The following FAM3C variants were observed in gnomAD, a reference collection of about 807,000 sequenced individuals.
FAM3C encodes protein FAM3C.
Under a neutral mutation model 32.5 loss-of-function variants are expected in FAM3C, and 15 were observed. The ratio of observed to expected loss-of-function variants is 0.46; its 90% CI spans 0.31 to 0.71. FAM3C has a LOEUF of 0.71. Among genes scored for constraint, FAM3C ranks in the 30% least tolerant of loss-of-function variants. FAM3C has a pLI of 0.05. For missense variants in FAM3C, 175 were observed against 274.4 expected (o/e 0.64, Z 2.56); for synonymous variants, 75 against 86.1 (o/e 0.87, Z 0.72).
intron 1 of FAM3C, among the ~76,000 whole-genome samples, chr7:121,384,101 G>A (rs949828713): frequency 6.6e-6 from 1 of 152,022 alleles, no homozygotes; most frequent in Non-Finnish European, 1.5e-5. Context: ...TCTGGGGGGC[G>A]GGGGAGTCTG....
intron 5 of FAM3C, among the ~76,000 whole-genome samples, chr7:121,368,972 G>GTTTT (rs563834740): frequency 2.8e-4 from 27 of 96,160 alleles, no homozygotes; most frequent in Non-Finnish European, 4.3e-4. Flanking sequence ...TGTTGTTGTT[G>GTTTT]TTTTTTTTTT....
chr7:121,360,177 T>A, intron 7 of FAM3C, 50 bp from the exon 8 acceptor site: 2 of 902,890 alleles, frequency 2.2e-6, no homozygotes, highest in Non-Finnish European at 3.7e-6. Context: ...TGAATAAGCA[T>A]CACGATAATC....
intron 5 of FAM3C, among the ~76,000 whole-genome samples, chr7:121,365,357 A>C (rs185274976): frequency 1.9e-3 from 284 of 152,266 alleles, no homozygotes; most frequent in Middle Eastern, 6.8e-3. Flanking sequence ...TCAGATAATA[A>C]GTTTTAAATA....
chr7:121,373,815 G>A (rs947347552), intron 3 of FAM3C, among the ~76,000 whole-genome samples: 7 of 151,694 alleles, frequency 4.6e-5, no homozygotes, highest in African/African-American at 1.5e-4. Context: ...GAGGTCAGGA[G>A]ATCGAGACCA....
chr7:121,386,491 C>A (rs1794466427), intron 1 of FAM3C, among the ~76,000 whole-genome samples: 3 of 151,886 alleles, frequency 2.0e-5, no homozygotes, highest in African/African-American at 4.8e-5. Context: ...TCAGAGCTTG[C>A]CAACTTGTCA....
chr7:121,384,566 A>G (rs770387959), intron 1 of FAM3C, among the ~76,000 whole-genome samples: 1 of 152,112 alleles, frequency 6.6e-6, no homozygotes, highest in Non-Finnish European at 1.5e-5. Context: ...TTGATGTTCT[A>G]TTTCACTGTT....
At chr7:121,359,498 A>T (rs1159167464) in intron 8 of FAM3C, among the ~76,000 whole-genome samples, 1 of 152,102 alleles carries the variant, frequency 6.6e-6, no homozygotes, top group Non-Finnish European at 1.5e-5. Context: ...AAACTAAAAT[A>T]TCATCAATGT....
intron 1 of FAM3C, 146 bp from the exon 2 acceptor site, chr7:121,383,156 A>G: frequency 1.9e-6 from 1 of 518,210 alleles, no homozygotes; most frequent in Non-Finnish European, 3.4e-6. Context: ...AAAAAAAAAA[A>G]TGGGCCTGTC....
At chr7:121,352,541 T>C (rs1793725819) in intron 8 of FAM3C, among the ~76,000 whole-genome samples, 1 of 152,206 alleles carries the variant, frequency 6.6e-6, no homozygotes, top group Non-Finnish European at 1.5e-5. Context: ...GTGGTACATT[T>C]ATAGCCAAGT....
At chr7:121,379,673 A>C (rs1284654622) in intron 2 of FAM3C, among the ~76,000 whole-genome samples, 1 of 151,940 alleles carries the variant, frequency 6.6e-6, no homozygotes, top group Non-Finnish European at 1.5e-5. Context: ...AAGTGCGCAG[A>C]CTCTTCAATG....
At chr7:121,392,735 G>C (rs934668342) in intron 1 of FAM3C, among the ~76,000 whole-genome samples, 2 of 152,156 alleles carry the variant, frequency 1.3e-5, no homozygotes, top group African/African-American at 4.8e-5. Flanking sequence ...TCAATTTAGA[G>C]ATGTTCATAT....
At chr7:121,389,410 T>A (rs1161145057) in intron 1 of FAM3C, among the ~76,000 whole-genome samples, 1 of 152,126 alleles carries the variant, frequency 6.6e-6, no homozygotes, top group Non-Finnish European at 1.5e-5. Flanking sequence ...TACCCAAATA[T>A]AACATGGCTA....
chr7:121,360,183 T>C (rs1793891569), intron 7 of FAM3C, 56 bp from the exon 8 acceptor site: 1 of 884,110 alleles, frequency 1.1e-6, no homozygotes, highest in East Asian at 2.4e-5. Flanking sequence ...AGCATCACGA[T>C]AATCTCTGAA....
At position 121,370,112 on chromosome 7, in the gene FAM3C, T is replaced by C. The variant is rs922764390; in HGVS notation, c.272+1188A>G. ...AAGATAAAGAGTGGAAATGAGAATG[T>C]TTTCAAAAACCTACAAACTTCTAAA... is the stretch of plus-strand genomic sequence containing the variant. On this transcript the variant is annotated intron_variant, in intron 5 of 9. Coordinates refer to ENST00000359943, the MANE Select transcript of FAM3C (RefSeq NM_014888.3). Among the ~76,000 whole-genome samples, 3 of 152,096 alleles carry C rather than the reference T, an allele frequency of 2.0e-5. No individual in the cohort carries two copies. In the East Asian group the frequency reaches 5.8e-4, roughly 29 times the overall value.
intron 3 of FAM3C, among the ~76,000 whole-genome samples, chr7:121,372,462 A>G (rs569579835): frequency 1.3e-5 from 2 of 152,280 alleles, no homozygotes; most frequent in South Asian, 2.1e-4. Context: ...AATGTTTATA[A>G]ATATAAATTT....
intron 1 of FAM3C, among the ~76,000 whole-genome samples, chr7:121,387,140 T>C (rs1794481605): frequency 6.6e-6 from 1 of 152,274 alleles, no homozygotes; most frequent in South Asian, 2.1e-4. Context: ...TAAAGCTTTC[T>C]TTATAGACAC....
intron 1 of FAM3C, among the ~76,000 whole-genome samples, chr7:121,386,812 A>G (rs1016478045): frequency 1.2e-4 from 19 of 152,002 alleles, no homozygotes; most frequent in Non-Finnish European, 2.9e-5. Context: ...ATTTAAAGTA[A>G]AAGAGAAAAA....
rs1362578947 is a variant in FAM3C, at chr7:121,350,451, C to T, written c.*10G>A. 6.2e-7 allele frequency: 1 copy of T among 1,611,152 alleles called. No homozygotes were observed. Among genetic ancestry groups the T allele is most frequent in the African/African-American group, 1.3e-5 (1 of 74,890 alleles). On this transcript the variant is annotated 3_prime_UTR_variant, in exon 10 of 10. Coordinates refer to ENST00000359943, the MANE Select transcript of FAM3C (RefSeq NM_014888.3). ...AAAGTGCGCTTTCTTCAATTCTCTC[C>T]ACATTTCCATTAGTCTTGCTTCTGG...
In FAM3C at chr7:121,355,962, G is replaced by C. The variant is rs913636986; in HGVS notation, c.467+4081C>G. 2.0e-5 allele frequency among the ~76,000 whole-genome samples: 3 copies of C among 149,664 alleles called. No homozygotes were observed. In the Admixed American group the frequency reaches 2.0e-4, roughly 10 times the overall value. ...AAAATTAAATTTAACAAGGATAAAT[G>C]AAAATAAAGGCCTTCATTTAGGTTA... On this transcript the variant is annotated intron_variant, in intron 8 of 9. Coordinates refer to ENST00000359943, the MANE Select transcript of FAM3C (RefSeq NM_014888.3).
Sources: allele counts gnomAD v4.1 joint callset (sites outside exome capture counted in the v4.1 genomes callset), GRCh38; gene constraint gnomAD v4.1.1; transcripts MANE v1.5; gene names NCBI Gene and HGNC (gene_info 2026-07-23, HGNC 2026-07-21).